Variants in EIF4E2 observed in about 807,000 individuals in gnomAD.
EIF4E2 encodes the protein eukaryotic translation initiation factor 4E type 2.
In EIF4E2, 13 loss-of-function variants were observed where a neutral mutation model predicts 34.2. That is an observed-to-expected ratio of 0.38 (90% CI 0.25 to 0.60). The LOEUF (loss-of-function observed/expected upper bound fraction) is 0.60. Ranked by LOEUF, EIF4E2 falls within the 20% of genes least tolerant of loss-of-function variation. EIF4E2 has a pLI of 0.62. For missense variants in EIF4E2, 222 were observed against 315.1 expected, an observed-to-expected ratio of 0.70 and a Z score of 2.24; for synonymous variants, 100 against 106.6, an observed-to-expected ratio of 0.94 and a Z score of 0.38.
In EIF4E2 at chr2:232,564,103, C is replaced by T. The variant is rs1244684329; in HGVS notation, c.271-144C>T. 1.8e-5 allele frequency: 8 copies of T among 453,728 alleles called. No homozygotes were observed. The Admixed American group carries it at 3.4e-4, about 19-fold the overall frequency. 28.1% of individuals were successfully genotyped at this position (453,728 alleles called of 1,614,324 possible). A position where few individuals can be genotyped will look rare whatever the true frequency, so the allele number is the denominator to read the frequency against. On this transcript the variant is annotated intron_variant, in intron 3 of 6. Coordinates refer to ENST00000258416, the MANE Select transcript of EIF4E2 (RefSeq NM_004846.4). ...TAATATGTCTTCCCTCACAACACCA[C>T]ACATGAAAATGAGTCCTCTGAAAAG... is the stretch of plus-strand genomic sequence containing the variant.
At chr2:232,576,636 A>T (rs111282072) in intron 6 of EIF4E2, among the ~76,000 whole-genome samples, 2 of 152,204 alleles carry the variant, frequency 1.3e-5, no homozygotes, top group Admixed American at 6.5e-5. Context: ...TAGGGGGGAA[A>T]AATGAATTTA....
chr2:232,562,573 A>G (rs1342278961), intron 3 of EIF4E2, among the ~76,000 whole-genome samples: 1 of 152,230 alleles, frequency 6.6e-6, no homozygotes, highest in Non-Finnish European at 1.5e-5. Context: ...CTGGACAAAA[A>G]GAGCGAAACT....
chr2:232,560,781 C>G (rs1273806147), intron 3 of EIF4E2, among the ~76,000 whole-genome samples: 1 of 152,202 alleles, frequency 6.6e-6, no homozygotes, highest in Non-Finnish European at 1.5e-5. Flanking sequence ...AACATCATTA[C>G]TATGCTGAGC....
At chr2:232,553,300 T>C (rs1692410606) in intron 1 of EIF4E2, among the ~76,000 whole-genome samples, 2 of 152,256 alleles carry the variant, frequency 1.3e-5, no homozygotes, top group Non-Finnish European at 2.9e-5. Context: ...ATTTTGTCCG[T>C]ATTCTACATC....
At chr2:232,563,531 C>T (rs891062719) in intron 3 of EIF4E2, among the ~76,000 whole-genome samples, 1 of 152,018 alleles carries the variant, frequency 6.6e-6, no homozygotes, top group Non-Finnish European at 1.5e-5. Flanking sequence ...CAAGGAGAAA[C>T]ATAATTTTTC....
chr2:232,574,386 C>T lies in EIF4E2; in HGVS notation c.666-6518C>T, dbSNP rs561385861. ...CTCTGTAACCCTGTGACATACCTCT[C>T]ATCCATAGGACCCCTCTTCCCATTT... is the stretch of plus-strand genomic sequence containing the variant. On this transcript the variant is annotated intron_variant, in intron 6 of 6. Coordinates refer to the EIF4E2 transcript ENST00000409098. 3.9e-6 allele frequency: 6 copies of T among 1,534,034 alleles called. No individual in the cohort carries two copies. In the Admixed American group the frequency reaches 5.9e-5, roughly 15 times the overall value.
At position 232,556,550 on chromosome 2, in the gene EIF4E2, A is replaced by G; in HGVS notation, c.135+20A>G. ...AGAAAGGTGAGTGTTGGCTGCACAG[A>G]TGTAGTTGCCTTTGAACTTGAGACT... On this transcript the variant is annotated intron_variant, in intron 2 of 6. Coordinates refer to ENST00000258416, the MANE Select transcript of EIF4E2 (RefSeq NM_004846.4). 1.3e-6 allele frequency: 2 copies of G among 1,539,988 alleles called. No individual in the cohort carries two copies. Among genetic ancestry groups the G allele is most frequent in the Non-Finnish European group, 1.8e-6 (2 of 1,128,722 alleles).
intron 3 of EIF4E2, chr2:232,558,734 A>AT (rs564180739): frequency 2.0e-3 from 305 of 152,256 alleles, no homozygotes; most frequent in African/African-American, 6.9e-3. Flanking sequence ...AAAGTGAAAA[A>AT]TTTTGAAAGT....
intron 3 of EIF4E2, chr2:232,558,341 G>A (rs1045175606): frequency 5.8e-6 from 1 of 172,068 alleles, no homozygotes; most frequent in Admixed American, 6.3e-5. Context: ...CTGGAATGCA[G>A]TGGTATCATC....
intron 6 of EIF4E2, among the ~76,000 whole-genome samples, chr2:232,576,921 T>C (rs1373108368): frequency 6.6e-6 from 1 of 152,244 alleles, no homozygotes; most frequent in African/African-American, 2.4e-5. Context: ...ATCACAAATA[T>C]TTTTCCTCAA....
At chr2:232,560,734 T>G (rs1417524271) in intron 3 of EIF4E2, among the ~76,000 whole-genome samples, 2 of 152,256 alleles carry the variant, frequency 1.3e-5, no homozygotes, top group African/African-American at 4.8e-5. Flanking sequence ...TCTAGAATAC[T>G]CTTACAACTC....
chr2:232,559,409 ATTAC>A (rs1251005373), intron 3 of EIF4E2, among the ~76,000 whole-genome samples: 1 of 149,456 alleles, frequency 6.7e-6, no homozygotes, highest in Non-Finnish European at 1.5e-5. Flanking sequence ...AGTCTTGCAT[ATTAC>A]TTTTTTTTAA....
chr2:232,581,133 A>G lies in EIF4E2; in HGVS notation c.*190A>G, dbSNP rs1312294455. ...CAGCATCGCTGACTTTATAAAGCGG[A>G]AAAACGGAAAACGTGACTTTGTAAT... On this transcript the variant is annotated 3_prime_UTR_variant, in exon 7 of 7. Coordinates refer to the EIF4E2 transcript ENST00000409098. This position sits in a 1 kb window ranked among gnomAD's most constrained non-coding sequence, Gnocchi z 5.2. The G allele has an allele frequency of 7.0e-6, 5 of 718,742 alleles. No homozygotes were observed. In the East Asian group the frequency reaches 1.4e-4, roughly 20 times the overall value. 44.5% of individuals were successfully genotyped at this position (718,742 alleles called of 1,614,324 possible).
intron 4 of EIF4E2, among the ~76,000 whole-genome samples, chr2:232,564,791 T>C (rs1457531249): frequency 6.6e-6 from 1 of 152,228 alleles, no homozygotes; most frequent in African/African-American, 2.4e-5. Context: ...TGCATCACTC[T>C]CCAGTATATC....
At chr2:232,553,304 C>T (rs1320809783) in intron 1 of EIF4E2, among the ~76,000 whole-genome samples, 5 of 152,168 alleles carry the variant, frequency 3.3e-5, no homozygotes, top group Non-Finnish European at 5.9e-5. Context: ...TGTCCGTATT[C>T]TACATCATTT....
chr2:232,552,809 G>A (rs1259087288), intron 1 of EIF4E2, among the ~76,000 whole-genome samples: 1 of 146,182 alleles, frequency 6.8e-6, no homozygotes, highest in Non-Finnish European at 1.5e-5. Context: ...GAAAAAAAAA[G>A]AAAAACAAGC....
At chr2:232,580,909 A>G in exon 7 of EIF4E2, 9 of 1,549,416 alleles carry the variant, frequency 5.8e-6, no homozygotes, top group Non-Finnish European at 7.8e-6. Flanking sequence ...TTCAGGGACA[A>G]TTCAAGCTTT....
chr2:232,560,038 C>T (rs115730423), intron 3 of EIF4E2, among the ~76,000 whole-genome samples: 1,963 of 152,146 alleles, frequency 0.013, 52 homozygotes, highest in African/African-American at 0.045. Flanking sequence ...TGGATTAAGT[C>T]GAGGAGCCAG....
chr2:232,552,433 G>A lies in EIF4E2; in HGVS notation c.20+1689G>A, dbSNP rs80114090. On this transcript the variant is annotated intron_variant, in intron 1 of 6. Transcript: ENST00000258416. ...TCGCCATGTTGCCCAGGCCGATCTC[G>A]AACTCGGGCTCAAGAGATCCACCCA... Among the ~76,000 whole-genome samples the A allele has an allele frequency of 3.0e-3, 455 of 152,138 alleles. 2 individuals carry two copies. The highest frequency in any genetic ancestry group is 0.011 in the African/African-American group (441 of 41,498).
Sources: allele counts gnomAD v4.1 joint callset (sites outside exome capture counted in the v4.1 genomes callset), GRCh38; gene constraint gnomAD v4.1.1; non-coding constraint Gnocchi (gnomAD v3.1); transcripts MANE v1.5; gene names NCBI Gene and HGNC (gene_info 2026-07-23, HGNC 2026-07-21).